The following MYO1C variants were observed in gnomAD, a reference collection of about 807,000 sequenced individuals.
MYO1C encodes the protein myosin IC, also known as unconventional myosin-Ic.
In MYO1C, 104 loss-of-function variants were observed where a neutral mutation model predicts 150.8. The observed-to-expected ratio is 0.69, with a 90% CI of 0.59 to 0.81. MYO1C has a LOEUF of 0.81. Ranked by LOEUF, MYO1C falls within the 30% of genes least tolerant of loss-of-function variation. MYO1C has a pLI of 0.00. For synonymous variants in MYO1C, 663 were observed against 579.9 expected, an observed-to-expected ratio of 1.14 and a Z score of -2.06; for missense variants, 1,504 against 1,435.0, an observed-to-expected ratio of 1.05 and a Z score of -0.78.
Position 1,472,229 on chromosome 17 carries a change from C to A in MYO1C, c.1798-1G>T. 1 of 1,613,972 alleles carries A rather than the reference C, an allele frequency of 6.2e-7. No homozygotes were observed. Among genetic ancestry groups the A allele is most frequent in the South Asian group, 1.1e-5 (1 of 91,076 alleles). ...GGCTCATCTTGAACTGGGTGGCGAC[C>A]TGGCGAGCCAAGAGGCATGGGAGGT... On this transcript the variant is annotated splice_acceptor_variant, in intron 17 of 31. Coordinates refer to ENST00000648651, the MANE Select transcript of MYO1C (RefSeq NM_001080779.2). LOFTEE classifies it high-confidence loss of function.
In MYO1C at chr17:1,484,925, G is replaced by A. The variant is rs150660308; in HGVS notation, c.76-622C>T. 314 of 416,442 alleles carry A rather than the reference G, an allele frequency of 7.5e-4. 1 individual carries two copies. Among genetic ancestry groups the A allele is most frequent in the African/African-American group, 7.4e-3 (299 of 40,140 alleles). 25.8% of individuals were successfully genotyped at this position (416,442 alleles called of 1,614,324 possible). On this transcript the variant is annotated intron_variant, in intron 1 of 31. Transcript: ENST00000648651. ...CGGTAGAGCGTCGAGCACCAAGCAA[G>A]AGGTTACTCCCAGACTACACCAGAG...
chr17:1,481,973 C>T (rs569135854), intron 5 of MYO1C, among the ~76,000 whole-genome samples: 1 of 152,162 alleles, frequency 6.6e-6, no homozygotes, highest in Non-Finnish European at 1.5e-5. Context: ...TATCTCAGGC[C>T]TTTGTCCTGG....
In MYO1C at chr17:1,465,439, C is replaced by T. The variant is rs2074150524; in HGVS notation, c.*287G>A. On this transcript the variant is annotated 3_prime_UTR_variant, in exon 32 of 32. Transcript: ENST00000648651. The stretch of plus-strand genomic sequence containing the variant: ...ATCAAAAAAACCTCAGAGAAAACCT[C>T]AGCAAAAGTTCCCTTCTCTCAAATA... 1 of 355,634 alleles carries T rather than the reference C, an allele frequency of 2.8e-6. No homozygotes were observed. The highest frequency in any genetic ancestry group is 1.5e-4 in the South Asian group (1 of 6,668). The allele number at this position is 355,634 out of a possible 1,614,324, so 22.0% of individuals were successfully genotyped here.
chr17:1,481,373 G>T, intron 5 of MYO1C: 1 of 179,222 alleles, frequency 5.6e-6, no homozygotes, highest in South Asian at 1.2e-4. Context: ...GCACCACACT[G>T]GTCTGAGCCA....
At chr17:1,466,079 G>A (rs984983233) in intron 31 of MYO1C, among the ~76,000 whole-genome samples, 13 of 151,652 alleles carry the variant, frequency 8.6e-5, no homozygotes, top group African/African-American at 1.2e-4. Context: ...CCTGGCCAGC[G>A]TGAGCCTGTG....
rs1401263762 is a variant in MYO1C, at chr17:1,472,000, C to T, written c.1928G>A (p.Arg643His). ...QPGRFDEVLI[R>H]HQVKYLGLLE... Reference sequence around the variant, plus strand: ...CAGCCCCAGGTACTTCACCTGGTGGCGGATCAGCACCTCGTCAAAGCGGCC... The same window carrying T: ...CAGCCCCAGGTACTTCACCTGGTGGTGGATCAGCACCTCGTCAAAGCGGCC... Residue 643 changes from arginine (R) to histidine (H), a missense_variant, in exon 19 of 32, where the codon CGC becomes CAC. Physicochemically the swap from Arg to His is conservative, Grantham distance 29. Coordinates refer to ENST00000648651, the MANE Select transcript of MYO1C (RefSeq NM_001080779.2). 3 of 1,613,906 alleles carry T rather than the reference C, an allele frequency of 1.9e-6. No homozygotes were observed.
intron 31 of MYO1C, among the ~76,000 whole-genome samples, chr17:1,466,825 C>T (rs1211122628): frequency 2.6e-5 from 4 of 151,620 alleles, no homozygotes; most frequent in East Asian, 3.9e-4. Context: ...TGGGGTTTCA[C>T]GATGTTGGCC....
chr17:1,470,582 C>T (rs1215802189), intron 22 of MYO1C, 39 bp downstream of exon 22: 1 of 1,595,424 alleles, frequency 6.3e-7, no homozygotes, highest in Non-Finnish European at 8.5e-7. Flanking sequence ...CCCCTGGCCC[C>T]AGACCCCGCC....
At position 1,465,585 on chromosome 17, in the gene MYO1C, T is replaced by G; in HGVS notation, c.*141A>C. ...CCCTGCTGCTCCCTCAAGAGAGGGA[T>G]GGGCAGGAGGTGGGAGATTGCAGGT... On this transcript the variant is annotated 3_prime_UTR_variant, in exon 32 of 32. Transcript: ENST00000648651. The G allele has an allele frequency of 1.1e-6, 1 of 901,374 alleles. No homozygotes were observed. The highest frequency in any genetic ancestry group is 3.0e-5 in the East Asian group (1 of 33,538). 55.8% of individuals were successfully genotyped at this position (901,374 alleles called of 1,614,324 possible).
At position 1,475,197 on chromosome 17, in the gene MYO1C, G is replaced by T. The variant is rs2074380115; in HGVS notation, c.1575-165C>A. Among the ~76,000 whole-genome samples, 4 of 152,168 alleles carry T rather than the reference G, an allele frequency of 2.6e-5. No individual in the cohort carries two copies. The South Asian group carries it at 8.3e-4, about 31-fold the overall frequency. On this transcript the variant is annotated intron_variant, in intron 14 of 31. Coordinates refer to ENST00000648651, the MANE Select transcript of MYO1C (RefSeq NM_001080779.2). ...GCAGTTGGGGAGGCCGAGGTGGGTA[G>T]ATCACAAAGTCAGTACTTCGAGACC...
At chr17:1,483,777 C>T in intron 2 of MYO1C, 52 bp from the exon 3 acceptor site, 1 of 1,418,846 alleles carries the variant, frequency 7.0e-7, no homozygotes, top group Non-Finnish European at 9.8e-7. Context: ...GGTGCGATGG[C>T]TCATGCCTGT....
intron 1 of MYO1C, chr17:1,484,975 C>A (rs1392001916): frequency 1.8e-6 from 1 of 568,198 alleles, no homozygotes; most frequent in Admixed American, 2.3e-5. Flanking sequence ...GGCCTCCCAC[C>A]CCAGCTGGGC....
Position 1,492,512 on chromosome 17 carries a change from C to T in MYO1C, c.-25G>A. On this transcript the variant is annotated 5_prime_UTR_variant, in exon 1 of 32. Coordinates refer to ENST00000648651, the MANE Select transcript of MYO1C (RefSeq NM_001080779.2). ...TTCCGCCCTGCGGAGAGCCAGCGGC[C>T]TGGGCACCGCGGCCTGTGAGCAAGA... 6.3e-7 allele frequency: 1 copy of T among 1,579,254 alleles called. No individual in the cohort carries two copies. Among genetic ancestry groups the T allele is most frequent in the Non-Finnish European group, 8.6e-7 (1 of 1,162,842 alleles).
At position 1,479,621 on chromosome 17, in the gene MYO1C, T is replaced by G; in HGVS notation, c.991A>C (p.Thr331Pro). Residue 331 changes from threonine to proline, a missense_variant, in exon 8 of 32, where the codon ACC (threonine) becomes CCC (proline). Transcript: ENST00000648651. The surrounding 1 kb of genome is among the most constrained non-coding windows in gnomAD (Gnocchi z 4.2). ...ANEESNAQVTTENQLKYLTRL... is the reference protein window; with the variant it reads ...ANEESNAQVTPENQLKYLTRL... ...GTCAGATACTTGAGCTGGTTCTCGG[T>G]GGTGACCTGGGCATTGCTCTCCTCG... 1.2e-6 allele frequency: 2 copies of G among 1,605,596 alleles called. No homozygotes were observed. The highest frequency in any genetic ancestry group is 1.7e-6 in the Non-Finnish European group (2 of 1,176,172).
chr17:1,478,677 G>C lies in MYO1C; in HGVS notation c.1151C>G (p.Ala384Gly). 6.2e-7 allele frequency: 1 copy of C among 1,614,202 alleles called. No homozygotes were observed. Among genetic ancestry groups the C allele is most frequent in the Non-Finnish European group, 8.5e-7 (1 of 1,180,048 alleles). Residue 384 changes from alanine (A) to glycine (G), a missense_variant, in exon 10 of 32, where the codon GCT becomes GGT. Physicochemically the swap from Ala to Gly is moderately conservative, Grantham distance 60. Transcript: ENST00000648651. The surrounding 1 kb of genome is among the most constrained non-coding windows in gnomAD (Gnocchi z 6.3). ...CCAGGTAAAAGTGCGGCTGTACACAGCCTTGGCGAGGGCGTCTCGTGCGTA... is the reference window on the plus strand; with the variant it reads ...CCAGGTAAAAGTGCGGCTGTACACACCCTTGGCGAGGGCGTCTCGTGCGTA... ...AAYARDALAK[A>G]VYSRTFTWLV...
Position 1,479,960 on chromosome 17 carries a change from A to G in MYO1C, c.907-255T>C, listed in dbSNP as rs1167295770. ...CAGGAGTTCGAGACCAGCCCAGCCA[A>G]CATGGCAAAACCCCATCATTATTAA... On this transcript the variant is annotated intron_variant, in intron 7 of 31. Coordinates refer to ENST00000648651, the MANE Select transcript of MYO1C (RefSeq NM_001080779.2). This position sits in a 1 kb window ranked among gnomAD's most constrained non-coding sequence, Gnocchi z 4.2. Among the ~76,000 whole-genome samples, 2 of 151,830 alleles carry G rather than the reference A, an allele frequency of 1.3e-5. No individual in the cohort carries two copies. The highest frequency in any genetic ancestry group is 1.3e-4 in the Admixed American group (2 of 15,248).
intron 2 of MYO1C, 64 bp from the exon 3 acceptor site, chr17:1,483,789 AT>A: frequency 1.5e-6 from 2 of 1,335,702 alleles, no homozygotes; most frequent in African/African-American, 2.9e-5. Flanking sequence ...CATGCCTGTA[AT>A]CCCAGCACTT....
rs947318514 is a variant in MYO1C at position 1,478,347 on chromosome 17, G to A, written c.1295+63C>T. ...CACAGGGCAGGAATGAGAGGCTGGA[G>A]GACAGAAGAGAGGGAGCAGGACAGG... is the stretch of plus-strand genomic sequence containing the variant. On this transcript the variant is annotated intron_variant, in intron 11 of 31. Transcript: ENST00000648651. The surrounding 1 kb of genome is among the most constrained non-coding windows in gnomAD (Gnocchi z 6.3). The A allele has an allele frequency of 1.9e-6, 3 of 1,599,544 alleles. No individual in the cohort carries two copies. The highest frequency in any genetic ancestry group is 2.7e-5 in the African/African-American group (2 of 74,678).
intron 1 of MYO1C, among the ~76,000 whole-genome samples, chr17:1,488,281 A>C (rs879745539): frequency 2.6e-5 from 4 of 152,018 alleles, no homozygotes; most frequent in Admixed American, 2.0e-4. Context: ...CCCCGCAGCC[A>C]CCGCCCGGCG....
Sources: allele counts gnomAD v4.1 joint callset (sites outside exome capture counted in the v4.1 genomes callset), GRCh38; gene constraint gnomAD v4.1.1; non-coding constraint Gnocchi (gnomAD v3.1); transcripts MANE v1.5; gene names NCBI Gene and HGNC (gene_info 2026-07-23, HGNC 2026-07-21).